NLGN1: variants seen among roughly 807,000 people sequenced by gnomAD.
NLGN1 encodes neuroligin-1.
Under a neutral mutation model 65.5 loss-of-function variants are expected in NLGN1, and 12 were observed. The ratio of observed to expected loss-of-function variants is 0.18; its 90% CI spans 0.12 to 0.30. The LOEUF is 0.30. Ranked by LOEUF, NLGN1 falls within the 10% of genes least tolerant of loss-of-function variation. The pLI is 1.00. For synonymous variants in NLGN1, 350 were observed against 359.5 expected, an observed-to-expected ratio of 0.97 and a Z score of 0.30; for missense variants, 750 against 1,007.1, an observed-to-expected ratio of 0.74 and a Z score of 3.46.
chr3:173,466,841 G>A (rs1724445691), intron 2 of NLGN1, among the ~76,000 whole-genome samples: 2 of 152,136 alleles, frequency 1.3e-5, no homozygotes, highest in African/African-American at 4.8e-5. Flanking sequence ...CAGGGAATGA[G>A]CTGTTTCATT....
intron 4 of NLGN1, among the ~76,000 whole-genome samples, chr3:173,854,830 G>T (rs1045852726): frequency 1.2e-4 from 18 of 152,052 alleles, no homozygotes; most frequent in African/African-American, 4.3e-4. Flanking sequence ...GTTTAGCAGG[G>T]TGAACTTACA....
At chr3:173,481,648 G>GATA (rs142923527) in intron 2 of NLGN1, among the ~76,000 whole-genome samples, 26,784 of 151,588 alleles carry the variant, frequency 0.18, 2,539 homozygotes, top group Middle Eastern at 0.26. Context: ...TATTATATCA[G>GATA]ATAATATTAT....
chr3:174,275,506 C>T (rs757859526), exon 5 of NLGN1: 4 of 1,611,838 alleles, frequency 2.5e-6, no homozygotes, highest in Non-Finnish European at 2.5e-6. Context: ...TGAAGGTAAC[C>T]GTTGGAGCAA....
intron 4 of NLGN1, among the ~76,000 whole-genome samples, chr3:174,098,726 A>C (rs1711677327): frequency 6.6e-6 from 1 of 152,178 alleles, no homozygotes; most frequent in Admixed American, 6.6e-5. Context: ...ACATCCCACA[A>C]AGGCCACTGG....
intron 4 of NLGN1, among the ~76,000 whole-genome samples, chr3:174,006,012 T>C (rs1474240577): frequency 3.3e-5 from 5 of 152,190 alleles, no homozygotes; most frequent in African/African-American, 9.6e-5. Flanking sequence ...AACTGCCCTC[T>C]CCTGCCTCTG....
intron 4 of NLGN1, among the ~76,000 whole-genome samples, chr3:173,907,079 C>G (rs1357730438): frequency 6.6e-6 from 1 of 152,028 alleles, no homozygotes; most frequent in African/African-American, 2.4e-5. Flanking sequence ...CATTTTAAAA[C>G]TTAAAGAAGT....
At chr3:174,130,391 A>G (rs1462359522) in intron 4 of NLGN1, among the ~76,000 whole-genome samples, 1 of 152,088 alleles carries the variant, frequency 6.6e-6, no homozygotes, top group Non-Finnish European at 1.5e-5. Context: ...TAAAAAATAA[A>G]CATCACTGTA....
intron 3 of NLGN1, among the ~76,000 whole-genome samples, chr3:173,806,785 A>T (rs1046909573): frequency 4.6e-5 from 7 of 152,134 alleles, no homozygotes; most frequent in Non-Finnish European, 1.0e-4. Context: ...AATTCAGGAA[A>T]AGTATGAGAA....
intron 4 of NLGN1, among the ~76,000 whole-genome samples, chr3:173,882,175 T>G (rs1733471907): frequency 6.6e-6 from 1 of 152,188 alleles, no homozygotes; most frequent in Admixed American, 6.5e-5. Context: ...TTTTAAATAT[T>G]CAATAAGCCA....
At chr3:174,154,921 ATATT>A (rs1177673556) in intron 4 of NLGN1, among the ~76,000 whole-genome samples, 3 of 138,634 alleles carry the variant, frequency 2.2e-5, no homozygotes, top group Non-Finnish European at 4.6e-5. Context: ...TAAGATATTT[ATATT>A]TAATTTATAT....
chr3:173,444,063 T>C (rs1258152899), intron 2 of NLGN1, among the ~76,000 whole-genome samples: 2 of 152,162 alleles, frequency 1.3e-5, no homozygotes, highest in Non-Finnish European at 2.9e-5. Flanking sequence ...GCAAAAAATA[T>C]AGTTTGAAAA....
intron 3 of NLGN1, among the ~76,000 whole-genome samples, chr3:173,673,225 A>G (rs1762687587): frequency 2.0e-5 from 3 of 152,354 alleles, no homozygotes; most frequent in African/African-American, 7.2e-5. Flanking sequence ...GTAAAATACT[A>G]AAATCATGTG....
chr3:173,433,347 C>T (rs1413489729), intron 1 of NLGN1, among the ~76,000 whole-genome samples: 1 of 152,160 alleles, frequency 6.6e-6, no homozygotes, highest in Admixed American at 6.5e-5. Context: ...CCTGTCTCTC[C>T]ACAGTGTTCC....
At chr3:173,814,506 T>C (rs1365073327) in intron 4 of NLGN1, among the ~76,000 whole-genome samples, 1 of 152,120 alleles carries the variant, frequency 6.6e-6, no homozygotes, top group Admixed American at 6.5e-5. Flanking sequence ...TTTTATTCCC[T>C]TACTCCCTCC....
At chr3:173,656,845 G>A (rs1469769697) in intron 3 of NLGN1, among the ~76,000 whole-genome samples, 1 of 151,930 alleles carries the variant, frequency 6.6e-6, no homozygotes, top group Non-Finnish European at 1.5e-5. Flanking sequence ...AGGGATCAAA[G>A]GGCAATCTAA....
chr3:173,453,827 T>G (rs1722055723), intron 2 of NLGN1, among the ~76,000 whole-genome samples: 1 of 152,210 alleles, frequency 6.6e-6, no homozygotes. Flanking sequence ...TTCTTTCTGC[T>G]AATGTTTATA....
intron 4 of NLGN1, among the ~76,000 whole-genome samples, chr3:174,009,312 G>A (rs1481096812): frequency 6.6e-6 from 1 of 152,126 alleles, no homozygotes; most frequent in Non-Finnish European, 1.5e-5. Flanking sequence ...TATTAATTTG[G>A]TGGAAGGAAA....
chr3:173,887,557 T>C (rs1734581095), intron 4 of NLGN1, among the ~76,000 whole-genome samples: 1 of 151,964 alleles, frequency 6.6e-6, no homozygotes, highest in Non-Finnish European at 1.5e-5. Flanking sequence ...TTTAAGTGAT[T>C]TCCTAAAGGG....
At chr3:173,598,442 G>C (rs1010916460) in intron 2 of NLGN1, among the ~76,000 whole-genome samples, 2 of 152,146 alleles carry the variant, frequency 1.3e-5, no homozygotes, top group African/African-American at 4.8e-5. Context: ...TCATCTTGTG[G>C]TGGGGTATGA....
Sources: gnomAD v4.1 joint callset for allele counts (sites outside exome capture counted in the v4.1 genomes callset) on GRCh38, gnomAD v4.1.1 for gene constraint, MANE v1.5 for transcripts, NCBI Gene and HGNC (gene_info 2026-07-23, HGNC 2026-07-21) for gene names.